Variants in TTC28 observed in about 807,000 individuals in gnomAD.
The protein encoded by TTC28 is tetratricopeptide repeat protein 28.
Under a neutral mutation model 198.0 loss-of-function variants are expected in TTC28, and 61 were observed. The observed-to-expected ratio is 0.31, with a 90% CI of 0.25 to 0.38. The LOEUF is 0.38. TTC28 is among the 10% of genes least tolerant of loss of function. The probability of loss-of-function intolerance (pLI) is 1.00; values close to 1 mark genes in which losing one functional copy is unlikely to be tolerated. For missense variants in TTC28, 2,678 were observed against 3,164.0 expected, an observed-to-expected ratio of 0.85 and a Z score of 3.69; for synonymous variants, 1,171 against 1,297.8, an observed-to-expected ratio of 0.90 and a Z score of 2.10.
chr22:28,394,366 T>G (rs2046782133), intron 2 of TTC28, among the ~76,000 whole-genome samples: 2 of 152,230 alleles, frequency 1.3e-5, no homozygotes, highest in South Asian at 4.1e-4. Flanking sequence ...TGGAATCAAT[T>G]TGAAAACAAC....
chr22:28,209,078 A>G (rs1353361510), intron 5 of TTC28, among the ~76,000 whole-genome samples: 2 of 152,134 alleles, frequency 1.3e-5, no homozygotes, highest in Non-Finnish European at 2.9e-5. Flanking sequence ...CATACTTTCA[A>G]ATTTTCATAC....
At chr22:28,457,176 G>A (rs1318840527) in intron 2 of TTC28, among the ~76,000 whole-genome samples, 1 of 152,102 alleles carries the variant, frequency 6.6e-6, no homozygotes, top group Admixed American at 6.5e-5. Context: ...GGATACATTT[G>A]AGCCAATGAA....
chr22:28,390,498 C>A (rs61979575), intron 2 of TTC28, among the ~76,000 whole-genome samples: 3 of 152,196 alleles, frequency 2.0e-5, no homozygotes, highest in African/African-American at 2.4e-5. Context: ...GTAGGTCGCT[C>A]AGGACTTGCT....
chr22:28,465,594 A>G (rs2048007815), intron 2 of TTC28, among the ~76,000 whole-genome samples: 1 of 151,988 alleles, frequency 6.6e-6, no homozygotes, highest in African/African-American at 2.4e-5. Flanking sequence ...ACTGCACTCC[A>G]GCGTGGGCAA....
rs560170484 is a variant in TTC28 at position 28,384,902 on chromosome 22, A to G, written c.382-78259T>C. Reference sequence around the variant, plus strand: ...ATGCCTGTAATCCCAGCACTTTGGGAGGCCGGGGACGGGGGGGATCATCTG... The same window carrying G: ...ATGCCTGTAATCCCAGCACTTTGGGGGGCCGGGGACGGGGGGGATCATCTG... On this transcript the variant is annotated intron_variant, in intron 2 of 22. Transcript: ENST00000397906. Among the ~76,000 whole-genome samples the G allele has an allele frequency of 4.6e-5, 7 of 152,156 alleles. No individual in the cohort carries two copies. In the South Asian group the frequency reaches 1.2e-3, roughly 27 times the overall value.
chr22:28,151,348 A>T (rs527870541), intron 6 of TTC28, among the ~76,000 whole-genome samples: 2 of 152,340 alleles, frequency 1.3e-5, no homozygotes, highest in South Asian at 4.1e-4. Context: ...TGCCTGCTGG[A>T]GACACAACTA....
At position 27,981,907 on chromosome 22, in the gene TTC28, A is replaced by T; in HGVS notation, c.*314T>A. ...CCAGAACCATGATCATTTTTGTACA[A>T]AATCCTGGTGAAGAATCATATCAAA... On this transcript the variant is annotated 3_prime_UTR_variant, in exon 23 of 23. Transcript: ENST00000397906. 1 of 290,398 alleles carries T rather than the reference A, an allele frequency of 3.4e-6. No individual in the cohort carries two copies. The highest frequency in any genetic ancestry group is 6.3e-6 in the Non-Finnish European group (1 of 158,402). 18.0% of individuals were successfully genotyped at this position (290,398 alleles called of 1,614,324 possible). A position where few individuals can be genotyped will look rare whatever the true frequency, so the allele number is the denominator to read the frequency against.
chr22:28,262,379 C>T (rs774404477), intron 5 of TTC28, among the ~76,000 whole-genome samples: 3 of 152,096 alleles, frequency 2.0e-5, no homozygotes, highest in Admixed American at 1.3e-4. Flanking sequence ...AGCAATAGTT[C>T]GGAGTTGCTA....
chr22:28,017,107 A>AGT, intron 13 of TTC28, among the ~76,000 whole-genome samples: 1 of 152,222 alleles, frequency 6.6e-6, no homozygotes, highest in East Asian at 1.9e-4. Context: ...AGGGGCAGGG[A>AGT]GTGTGGGGCC....
chr22:28,613,884 A>G (rs1209119415), intron 2 of TTC28, among the ~76,000 whole-genome samples: 1 of 152,238 alleles, frequency 6.6e-6, no homozygotes. Flanking sequence ...AAACCGGCAC[A>G]AGACAAGGAT....
intron 2 of TTC28, among the ~76,000 whole-genome samples, chr22:28,347,362 C>CTCCT (rs2045921182): frequency 6.6e-6 from 1 of 152,000 alleles, no homozygotes; most frequent in Admixed American, 6.6e-5. Flanking sequence ...GTTACTTCTA[C>CTCCT]TCCTCTCCAT....
intron 2 of TTC28, among the ~76,000 whole-genome samples, chr22:28,444,483 G>A (rs902034891): frequency 1.3e-5 from 2 of 152,092 alleles, no homozygotes; most frequent in African/African-American, 4.8e-5. Context: ...ATTCAATAGA[G>A]GGCATTATCT....
intron 5 of TTC28, among the ~76,000 whole-genome samples, chr22:28,286,435 A>G (rs79668408): frequency 0.016 from 2,402 of 152,308 alleles, 83 homozygotes; most frequent in African/African-American, 0.056. Context: ...CATTCTAAGC[A>G]TTGAAGTCCA....
chr22:28,656,251 A>C (rs191231034), intron 1 of TTC28, among the ~76,000 whole-genome samples: 8 of 152,308 alleles, frequency 5.3e-5, no homozygotes, highest in Non-Finnish European at 8.8e-5. Context: ...TGGACTCTAA[A>C]GGAAGCTTGA....
chr22:28,632,961 T>C (rs893703946), intron 1 of TTC28, among the ~76,000 whole-genome samples: 1 of 145,848 alleles, frequency 6.9e-6, no homozygotes, highest in Non-Finnish European at 1.5e-5. Context: ...CCTGTCTCTA[T>C]TTTAGAAAAA....
chr22:28,189,116 G>A (rs1944010194), intron 5 of TTC28, among the ~76,000 whole-genome samples: 1 of 152,136 alleles, frequency 6.6e-6, no homozygotes, highest in Admixed American at 6.5e-5. Context: ...GGGAGGCTGA[G>A]GTGGGAGGAT....
rs559794411 is a variant in TTC28, at chr22:28,402,721, TCAAA to T, written c.382-96082_382-96079del. ...TCTTAAGACTCAGTTTCTTCCGCTC[TCAAA>T]CAGTCATTCTAAAACTCTCACAGTA... On this transcript the variant is annotated intron_variant, in intron 2 of 22. Transcript: ENST00000397906. 7.9e-5 allele frequency among the ~76,000 whole-genome samples: 12 copies of T among 152,324 alleles called. No homozygotes were observed. The South Asian group carries it at 1.0e-3, about 13-fold the overall frequency.
intron 2 of TTC28, among the ~76,000 whole-genome samples, chr22:28,308,672 G>A (rs2045192590): frequency 6.6e-6 from 1 of 152,118 alleles, no homozygotes; most frequent in Admixed American, 6.6e-5. Flanking sequence ...CAAGGAGAAG[G>A]TGCATGTTTT....
rs576806786 is a variant in TTC28, at chr22:28,413,640, T to A, written c.382-106997A>T. Among the ~76,000 whole-genome samples the A allele has an allele frequency of 5.3e-5, 8 of 152,296 alleles. No individual in the cohort carries two copies. The South Asian group carries it at 1.5e-3, about 28-fold the overall frequency. ...AGAAAAACATAACTTATTTTAAATTTATAATGCAGGAGAAATGCCTTACAT... is the reference window on the plus strand; with the variant it reads ...AGAAAAACATAACTTATTTTAAATTAATAATGCAGGAGAAATGCCTTACAT... On this transcript the variant is annotated intron_variant, in intron 2 of 22. Coordinates refer to ENST00000397906, the MANE Select transcript of TTC28 (RefSeq NM_001145418.2).
Sources: gnomAD v4.1 joint callset for allele counts (sites outside exome capture counted in the v4.1 genomes callset) on GRCh38, gnomAD v4.1.1 for gene constraint, MANE v1.5 for transcripts, NCBI Gene and HGNC (gene_info 2026-07-23, HGNC 2026-07-21) for gene names.